Variants in LSAMP observed in about 807,000 individuals in gnomAD.
The protein encoded by LSAMP is limbic system associated membrane protein.
Under a neutral mutation model 38.6 loss-of-function variants are expected in LSAMP, and 7 were observed. The observed-to-expected ratio is 0.18, with a 90% CI of 0.10 to 0.34. The LOEUF is 0.34. LSAMP is among the 10% of genes least tolerant of loss of function. The probability of loss-of-function intolerance (pLI) is 1.00; values close to 1 mark genes in which losing one functional copy is unlikely to be tolerated. For synonymous variants in LSAMP, 154 were observed against 166.8 expected, an observed-to-expected ratio of 0.92 and a Z score of 0.59; for missense variants, 313 against 420.0, an observed-to-expected ratio of 0.75 and a Z score of 2.23.
chr3:115,874,882 G>C (rs1936141122), intron 3 of LSAMP, among the ~76,000 whole-genome samples: 1 of 151,462 alleles, frequency 6.6e-6, no homozygotes, highest in South Asian at 2.1e-4. Flanking sequence ...TCTCAAATGA[G>C]GAATTTTCAG....
chr3:115,973,107 C>T (rs1028790025), intron 3 of LSAMP, among the ~76,000 whole-genome samples: 1 of 151,916 alleles, frequency 6.6e-6, no homozygotes, highest in African/African-American at 2.4e-5. Flanking sequence ...GGGACATCAC[C>T]AGATGGTGAT....
intron 1 of LSAMP, among the ~76,000 whole-genome samples, chr3:116,429,437 GT>G (rs947563641): frequency 1.3e-5 from 2 of 151,938 alleles, no homozygotes; most frequent in South Asian, 4.2e-4. Context: ...AAGAAAAGTG[GT>G]TTTTTTTAAT....
intron 3 of LSAMP, among the ~76,000 whole-genome samples, chr3:115,939,037 A>T: frequency 6.6e-6 from 1 of 152,190 alleles, no homozygotes. Flanking sequence ...TGAAACATGT[A>T]GGAACATAAT....
intron 3 of LSAMP, among the ~76,000 whole-genome samples, chr3:115,955,551 G>A (rs1666763309): frequency 6.6e-6 from 1 of 152,150 alleles, no homozygotes; most frequent in African/African-American, 2.4e-5. Flanking sequence ...TTCTTCTTAG[G>A]GAACTTATAA....
chr3:115,865,521 T>C (rs1219527726), intron 3 of LSAMP, among the ~76,000 whole-genome samples: 1 of 152,192 alleles, frequency 6.6e-6, no homozygotes, highest in Non-Finnish European at 1.5e-5. Context: ...TACACAGATA[T>C]AGTATCCAGA....
At chr3:115,895,414 G>C (rs1936704235) in intron 3 of LSAMP, among the ~76,000 whole-genome samples, 1 of 152,076 alleles carries the variant, frequency 6.6e-6, no homozygotes, top group Non-Finnish European at 1.5e-5. Flanking sequence ...GGTCTCCACA[G>C]GGATGGCAGA....
At chr3:115,904,490 T>TTACCATACAAC (rs537375083) in intron 3 of LSAMP, among the ~76,000 whole-genome samples, 136 of 152,168 alleles carry the variant, frequency 8.9e-4, no homozygotes, top group African/African-American at 3.2e-3. Flanking sequence ...CAATACAAAT[T>TTACCATACAAC]TACCATACAA....
At chr3:116,388,848 T>C (rs1244457434) in intron 1 of LSAMP, among the ~76,000 whole-genome samples, 1 of 152,092 alleles carries the variant, frequency 6.6e-6, no homozygotes, top group Non-Finnish European at 1.5e-5. Context: ...AAATCAAGGC[T>C]GACGGCAGGC....
At chr3:116,036,590 ACTTCCAGGCCC>A (rs1941050909) in intron 2 of LSAMP, among the ~76,000 whole-genome samples, 1 of 152,222 alleles carries the variant, frequency 6.6e-6, no homozygotes, top group Non-Finnish European at 1.5e-5. Context: ...GTAAGTGGCT[ACTTCCAGGCCC>A]CTAACCTATA....
chr3:116,118,558 T>C (rs1427010331), intron 1 of LSAMP, among the ~76,000 whole-genome samples: 4 of 152,170 alleles, frequency 2.6e-5, no homozygotes, highest in Admixed American at 2.0e-4. Flanking sequence ...GCAAATTTAG[T>C]AGAGTTTGCA....
chr3:116,249,742 A>C (rs2046655074), intron 1 of LSAMP, among the ~76,000 whole-genome samples: 1 of 151,960 alleles, frequency 6.6e-6, no homozygotes, highest in Non-Finnish European at 1.5e-5. Flanking sequence ...GTCCCGAAAA[A>C]TTAGTATTTT....
At chr3:116,069,041 T>G (rs1171230891) in intron 2 of LSAMP, among the ~76,000 whole-genome samples, 1 of 152,222 alleles carries the variant, frequency 6.6e-6, no homozygotes, top group Non-Finnish European at 1.5e-5. Context: ...TGTTTAAAAC[T>G]TCAATAGGAA....
chr3:116,375,281 G>T (rs2048480647), intron 1 of LSAMP, among the ~76,000 whole-genome samples: 1 of 151,662 alleles, frequency 6.6e-6, no homozygotes, highest in Non-Finnish European at 1.5e-5. Flanking sequence ...TTTGTTGCTG[G>T]GAAAGTATTG....
intron 3 of LSAMP, among the ~76,000 whole-genome samples, chr3:115,887,397 A>T (rs1226650492): frequency 6.6e-6 from 1 of 151,966 alleles, no homozygotes; most frequent in Non-Finnish European, 1.5e-5. Context: ...AATAACTAGC[A>T]ATAACAAAGT....
intron 2 of LSAMP, among the ~76,000 whole-genome samples, chr3:116,077,850 G>A (rs1214110103): frequency 2.0e-5 from 3 of 152,162 alleles, no homozygotes; most frequent in Admixed American, 6.5e-5. Context: ...GAAGATTAGA[G>A]GCCAGTCTTT....
At chr3:116,351,166 G>A (rs138446695) in intron 1 of LSAMP, among the ~76,000 whole-genome samples, 57 of 151,976 alleles carry the variant, frequency 3.8e-4, no homozygotes, top group Non-Finnish European at 4.9e-4. Flanking sequence ...TCAAAAGTTC[G>A]GATTTGGGGG....
chr3:116,166,396 C>T (rs1710050674), intron 1 of LSAMP, among the ~76,000 whole-genome samples: 1 of 152,122 alleles, frequency 6.6e-6, no homozygotes, highest in African/African-American at 2.4e-5. Flanking sequence ...TGTCTGTATC[C>T]ACAAAATTAC....
At chr3:116,406,715 C>G (rs1018150187) in intron 1 of LSAMP, among the ~76,000 whole-genome samples, 20 of 151,940 alleles carry the variant, frequency 1.3e-4, no homozygotes, top group Non-Finnish European at 2.5e-4. Context: ...CTCCTGTTCT[C>G]CATGCACACA....
Position 116,269,554 on chromosome 3 carries a change from C to T in LSAMP, c.155+175323G>A, listed in dbSNP as rs78894560. On this transcript the variant is annotated intron_variant, in intron 1 of 6. Coordinates refer to ENST00000490035, the MANE Select transcript of LSAMP (RefSeq NM_002338.5). ...GTGAGTGCTGGCTGAATTTTCTTTA[C>T]GTAATTCTGTTCTATATTCAAGCTA... Among the ~76,000 whole-genome samples, 27 of 151,982 alleles carry T rather than the reference C, an allele frequency of 1.8e-4. No homozygotes were observed. In the East Asian group the frequency reaches 3.5e-3, roughly 20 times the overall value.
Sources: gnomAD v4.1 joint callset for allele counts (sites outside exome capture counted in the v4.1 genomes callset) on GRCh38, gnomAD v4.1.1 for gene constraint, MANE v1.5 for transcripts, NCBI Gene and HGNC (gene_info 2026-07-23, HGNC 2026-07-21) for gene names.